MAGI1: variants seen among roughly 807,000 people sequenced by gnomAD.
MAGI1 encodes the protein membrane-associated guanylate kinase, WW and PDZ domain-containing protein 1.
A neutral mutation model predicts 139.9 loss-of-function variants in MAGI1; 58 were observed. The observed-to-expected ratio is 0.41, with a 90% CI of 0.34 to 0.52. The LOEUF is 0.52. Among genes scored for constraint, MAGI1 ranks in the 20% least tolerant of loss-of-function variants. The probability of loss-of-function intolerance (pLI) is 0.12; values close to 1 mark genes in which losing one functional copy is unlikely to be tolerated. For synonymous variants in MAGI1, 812 were observed against 737.9 expected, an observed-to-expected ratio of 1.10 and a Z score of -1.63; for missense variants, 1,874 against 1,901.6, an observed-to-expected ratio of 0.99 and a Z score of 0.27.
At chr3:65,520,531 A>G (rs1468193724) in intron 2 of MAGI1, among the ~76,000 whole-genome samples, 1 of 152,192 alleles carries the variant, frequency 6.6e-6, no homozygotes, top group Non-Finnish European at 1.5e-5. Context: ...CAAGGAGATA[A>G]TGTAGGTAAA....
In MAGI1 at chr3:65,354,809, GTTTTC is replaced by G. The variant is rs1397644108; in HGVS notation, c.*1564_*1568del. ...TATACAAGAAAAAAAGGCAACAGTTGTTTTCTTTTTTTTCCCAACAGGCTCTATTA... is the reference window on the plus strand; with the variant it reads ...TATACAAGAAAAAAAGGCAACAGTTGTTTTTTTTCCCAACAGGCTCTATTA... On this transcript the variant is annotated 3_prime_UTR_variant, in exon 23 of 23. Transcript: ENST00000402939. 6.7e-5 allele frequency: 10 copies of G among 149,878 alleles called. No homozygotes were observed. The highest frequency in any genetic ancestry group is 1.5e-4 in the Non-Finnish European group (10 of 67,420). 9.3% of individuals were successfully genotyped at this position (149,878 alleles called of 1,614,324 possible). A position where few individuals can be genotyped will look rare whatever the true frequency, so the allele number is the denominator to read the frequency against.
intron 1 of MAGI1, among the ~76,000 whole-genome samples, chr3:65,827,922 GTCTA>G (rs1258261904): frequency 2.6e-5 from 4 of 152,062 alleles, no homozygotes; most frequent in Non-Finnish European, 5.9e-5. Flanking sequence ...GCATCTTTAT[GTCTA>G]TCATGAAAAC....
intron 1 of MAGI1, among the ~76,000 whole-genome samples, chr3:65,648,290 CGTGT>C (rs35122002): frequency 9.7e-4 from 142 of 146,756 alleles, no homozygotes; most frequent in Middle Eastern, 6.8e-3. Flanking sequence ...TACTACAGGC[CGTGT>C]GTGTGTGTGT....
chr3:65,565,819 T>C (rs1168457438), intron 2 of MAGI1, among the ~76,000 whole-genome samples: 1 of 140,588 alleles, frequency 7.1e-6, no homozygotes, highest in African/African-American at 2.7e-5. Flanking sequence ...ATCGCATCAC[T>C]GCACTCCAGA....
Position 65,577,956 on chromosome 3 carries a change from A to ACTCT in MAGI1, c.430+44012_430+44015dup, listed in dbSNP as rs1007146227. Among the ~76,000 whole-genome samples, 11 of 151,444 alleles carry ACTCT rather than the reference A, an allele frequency of 7.3e-5. No individual in the cohort carries two copies. In the South Asian group the frequency reaches 2.1e-3, roughly 29 times the overall value. ...CTGTCTCTCTTTCTCTCTCTCACACACTCTCACACACGACTTGTGTAACTT... is the reference window on the plus strand; with the variant it reads ...CTGTCTCTCTTTCTCTCTCTCACACACTCTCTCTCACACACGACTTGTGTAACTT... On this transcript the variant is annotated intron_variant, in intron 2 of 22. Transcript: ENST00000402939.
intron 1 of MAGI1, among the ~76,000 whole-genome samples, chr3:65,748,480 A>G (rs1215443360): frequency 6.6e-6 from 1 of 152,192 alleles, no homozygotes; most frequent in Admixed American, 6.5e-5. Context: ...ACCCCCAGAG[A>G]GTCCAGAATA....
intron 2 of MAGI1, among the ~76,000 whole-genome samples, chr3:65,511,720 C>T (rs1317191317): frequency 6.7e-6 from 1 of 149,686 alleles, no homozygotes; most frequent in Admixed American, 6.7e-5. Context: ...ACTTTAACAC[C>T]CCACTGTCAA....
At chr3:65,411,014 C>T (rs1306284126) in intron 12 of MAGI1, among the ~76,000 whole-genome samples, 1 of 152,134 alleles carries the variant, frequency 6.6e-6, no homozygotes. Flanking sequence ...ATGGCATCTT[C>T]TCTCCAGAAA....
intron 1 of MAGI1, among the ~76,000 whole-genome samples, chr3:65,653,162 C>T (rs894354028): frequency 2.0e-5 from 3 of 152,136 alleles, no homozygotes; most frequent in Admixed American, 1.3e-4. Flanking sequence ...TCTTGGACCA[C>T]AAAGTCACCT....
At chr3:65,803,230 G>C (rs113823008) in intron 1 of MAGI1, among the ~76,000 whole-genome samples, 1 of 151,954 alleles carries the variant, frequency 6.6e-6, no homozygotes, top group Non-Finnish European at 1.5e-5. Context: ...GGAATCCTGC[G>C]ATATTATAAC....
At chr3:65,958,414 C>G (rs1256466100) in intron 1 of MAGI1, among the ~76,000 whole-genome samples, 1 of 152,184 alleles carries the variant, frequency 6.6e-6, no homozygotes, top group Non-Finnish European at 1.5e-5. Flanking sequence ...GGTATGCATG[C>G]AATCCATCTC....
chr3:65,861,388 C>A lies in MAGI1; in HGVS notation c.313+176608G>T, dbSNP rs535891777. Among the ~76,000 whole-genome samples the A allele has an allele frequency of 7.4e-4, 112 of 152,312 alleles. 1 individual carries two copies. The highest frequency in any genetic ancestry group is 2.7e-3 in the African/African-American group (111 of 41,578). The stretch of plus-strand genomic sequence containing the variant: ...AGGCCAGTGTCACTCTTGAGTTACC[C>A]TCTTGACTCTAAAGACTTGGAGTTT... On this transcript the variant is annotated intron_variant, in intron 1 of 22. Coordinates refer to ENST00000402939, the MANE Select transcript of MAGI1 (RefSeq NM_001033057.2).
intron 2 of MAGI1, among the ~76,000 whole-genome samples, chr3:65,563,802 C>T (rs1447091792): frequency 1.3e-5 from 2 of 152,154 alleles, no homozygotes; most frequent in Non-Finnish European, 2.9e-5. Context: ...GGAGTTGTTA[C>T]AAATTCAAGA....
intron 1 of MAGI1, chr3:65,925,306 TTTTTTTTGTTTTG>T (rs2062439991): frequency 1.3e-5 from 2 of 152,250 alleles, no homozygotes; most frequent in African/African-American, 2.4e-5. Flanking sequence ...CAGGTAGTGT[TTTTTTTTGTTTTG>T]TTTTTTTGTT....
At chr3:65,585,628 C>G (rs916192688) in intron 2 of MAGI1, among the ~76,000 whole-genome samples, 4 of 152,130 alleles carry the variant, frequency 2.6e-5, no homozygotes, top group Admixed American at 2.0e-4. Context: ...TAAAGTTGGA[C>G]ATATATGTGC....
intron 1 of MAGI1, among the ~76,000 whole-genome samples, chr3:65,748,016 G>A (rs2035843803): frequency 6.6e-6 from 1 of 152,118 alleles, no homozygotes; most frequent in Non-Finnish European, 1.5e-5. Flanking sequence ...TTTTTAAAAA[G>A]ATATTGCTTC....
At position 65,558,227 on chromosome 3, in the gene MAGI1, C is replaced by T. The variant is rs149966234; in HGVS notation, c.430+63745G>A. Among the ~76,000 whole-genome samples, 32 of 152,262 alleles carry T rather than the reference C, an allele frequency of 2.1e-4. No individual in the cohort carries two copies. In the East Asian group the frequency reaches 4.8e-3, roughly 23 times the overall value. On this transcript the variant is annotated intron_variant, in intron 2 of 22. Transcript: ENST00000402939. ...CCAAGTGCCCCCATCTGTTTCTAAA[C>T]GTTTCCATTTTTAATTGGTTGATTT...
At chr3:65,886,851 G>A (rs948614692) in intron 1 of MAGI1, among the ~76,000 whole-genome samples, 1 of 152,168 alleles carries the variant, frequency 6.6e-6, no homozygotes, top group Non-Finnish European at 1.5e-5. Context: ...CTGATACACA[G>A]AAAGCTTGAA....
At chr3:65,765,758 T>C (rs1025875772) in intron 1 of MAGI1, among the ~76,000 whole-genome samples, 2 of 152,202 alleles carry the variant, frequency 1.3e-5, no homozygotes, top group South Asian at 2.1e-4. Flanking sequence ...TCTACTGATA[T>C]TTCCATTATA....
Sources: gnomAD v4.1 joint callset for allele counts (sites outside exome capture counted in the v4.1 genomes callset) on GRCh38, gnomAD v4.1.1 for gene constraint, MANE v1.5 for transcripts, NCBI Gene and HGNC (gene_info 2026-07-23, HGNC 2026-07-21) for gene names.